TMLHE: variants seen among roughly 807,000 people sequenced by gnomAD.
The protein encoded by TMLHE is trimethyllysine dioxygenase, mitochondrial.
A neutral mutation model predicts 25.7 loss-of-function variants in TMLHE; 18 were observed. That is an observed-to-expected ratio of 0.70 (90% confidence interval 0.48 to 1.04). TMLHE has a LOEUF of 1.04. Ranked by LOEUF, TMLHE falls within the 50% of genes least tolerant of loss-of-function variation. The probability of loss-of-function intolerance (pLI) is 0.00; values close to 1 mark genes in which losing one functional copy is unlikely to be tolerated. For synonymous variants in TMLHE, 105 were observed against 97.0 expected (o/e 1.08, Z -0.49); for missense variants, 236 against 259.0 (o/e 0.91, Z 0.61).
chrX:155,527,240 C>T (rs2067224870), intron 2 of TMLHE, among the ~76,000 whole-genome samples: 1 of 111,379 alleles, frequency 9.0e-6, no homozygotes, highest in South Asian at 3.8e-4. Flanking sequence ...GGGCAAATTC[C>T]CCCCTTGCTG....
At chrX:155,524,174 T>C (rs2067205284) in intron 3 of TMLHE, 1 of 233,055 alleles carries the variant, frequency 4.3e-6, no homozygotes, top group Admixed American at 7.0e-5. Context: ...ATAAGAGTGG[T>C]GAGAGTGGAT....
At chrX:155,548,474 G>A (rs1259967836) in intron 1 of TMLHE, among the ~76,000 whole-genome samples, 2 of 108,961 alleles carry the variant, frequency 1.8e-5, no homozygotes, top group Non-Finnish European at 3.8e-5. Context: ...GGTGGCTCAT[G>A]CCTGAAATCC....
chrX:155,513,507 G>A (rs186494984), intron 4 of TMLHE, among the ~76,000 whole-genome samples: 28 of 111,144 alleles, frequency 2.5e-4, no homozygotes, highest in African/African-American at 8.8e-4. Flanking sequence ...AGCCTTTTAA[G>A]GCAGTGTTAT....
At position 155,552,721 on chromosome X, in the gene TMLHE, T is replaced by G. The variant is rs782044148; in HGVS notation, c.-1-7444A>C. ...CAAATATGTCTTTCTTACAGGAAAT[T>G]CTGTTCTTATCTTTGCTTCCTTCTA... is the stretch of plus-strand genomic sequence containing the variant. On this transcript the variant is annotated intron_variant, in intron 1 of 7. Coordinates refer to ENST00000334398, the MANE Select transcript of TMLHE (RefSeq NM_018196.4). Among the ~76,000 whole-genome samples, 5 of 110,143 alleles carry G rather than the reference T, an allele frequency of 4.5e-5. No homozygotes were observed. The South Asian group carries it at 1.9e-3, about 41-fold the overall frequency.
At chrX:155,528,301 T>C (rs2067230793) in intron 2 of TMLHE, among the ~76,000 whole-genome samples, 1 of 93,178 alleles carries the variant, frequency 1.1e-5, no homozygotes. Context: ...TTTTTTTCTC[T>C]TGTACTTTAT....
At chrX:155,558,438 T>TTTA (rs1557341206) in intron 1 of TMLHE, among the ~76,000 whole-genome samples, 19 of 111,994 alleles carry the variant, frequency 1.7e-4, no homozygotes, top group Non-Finnish European at 2.6e-4. Flanking sequence ...TCTTTCCCCC[T>TTTA]AATAATGCTG....
chrX:155,580,033 C>A (rs2067615757), intron 1 of TMLHE, among the ~76,000 whole-genome samples: 1 of 110,589 alleles, frequency 9.0e-6, no homozygotes, highest in African/African-American at 3.3e-5. Context: ...GGTGCACAGA[C>A]AACCTGGAGA....
chrX:155,508,674 A>G (rs1423202099), intron 5 of TMLHE, among the ~76,000 whole-genome samples: 1 of 110,835 alleles, frequency 9.0e-6, no homozygotes, highest in Non-Finnish European at 1.9e-5. Flanking sequence ...TATTTAAGAA[A>G]TTTAGTAGTG....
At chrX:155,533,201 C>T (rs868952006) in intron 2 of TMLHE, among the ~76,000 whole-genome samples, 5 of 111,608 alleles carry the variant, frequency 4.5e-5, no homozygotes, top group Admixed American at 9.5e-5. Context: ...CTTTGAACTT[C>T]GACTAGAACT....
chrX:155,515,238 A>C (rs1198089147), intron 3 of TMLHE, among the ~76,000 whole-genome samples: 3 of 110,473 alleles, frequency 2.7e-5, no homozygotes, highest in Non-Finnish European at 5.7e-5. Flanking sequence ...TATATATATA[A>C]AATTTGGGAC....
At chrX:155,582,798 T>A (rs1265698037) in intron 1 of TMLHE, among the ~76,000 whole-genome samples, 1 of 112,059 alleles carries the variant, frequency 8.9e-6, no homozygotes, top group African/African-American at 3.2e-5. Context: ...GAAATACCAT[T>A]TGACCCAGCC....
intron 1 of TMLHE, among the ~76,000 whole-genome samples, chrX:155,548,700 A>G (rs1449306722): frequency 2.8e-5 from 3 of 106,758 alleles, no homozygotes; most frequent in Non-Finnish European, 5.8e-5. Context: ...GTGCCACTGC[A>G]CTCCAGCCTG....
Position 155,545,204 on chromosome X carries a change from C to T in TMLHE, c.73G>A (p.Ala25Thr). 1 of 1,209,858 alleles carries T rather than the reference C, an allele frequency of 8.3e-7. No individual in the cohort carries two copies. Among genetic ancestry groups the T allele is most frequent in the Non-Finnish European group, 1.1e-6 (1 of 894,413 alleles). ...DLLKGGVIYP[A>T]LPQPNFKSLL... ...CTTTTGAAGTTGGGCTGTGGAAGGG[C>T]CGGATATATGACTCCTCCCTTCAGC... is the stretch of plus-strand genomic sequence containing the variant. Residue 25 changes from alanine to threonine, a missense_variant, in exon 2 of 8, where the codon GCC (alanine) becomes ACC (threonine). This residue lies in a region of TMLHE where 217 missense variants were observed against 214.6 expected (regional missense o/e 1.01). Transcript: ENST00000334398.
At chrX:155,603,400 AAGAAAG>A (rs2067768719) in intron 1 of TMLHE, among the ~76,000 whole-genome samples, 1 of 110,834 alleles carries the variant, frequency 9.0e-6, no homozygotes, top group Non-Finnish European at 1.9e-5. Flanking sequence ...GAAAGAAAGA[AAGAAAG>A]AAAGAGTGAC....
At chrX:155,546,424 C>G (rs1436302431) in intron 1 of TMLHE, among the ~76,000 whole-genome samples, 1 of 111,438 alleles carries the variant, frequency 9.0e-6, no homozygotes, top group Non-Finnish European at 1.9e-5. Flanking sequence ...CTGTGTGGTT[C>G]TCAATGTGAA....
At chrX:155,534,801 A>C (rs1410947150) in intron 2 of TMLHE, among the ~76,000 whole-genome samples, 1 of 111,203 alleles carries the variant, frequency 9.0e-6, no homozygotes, top group Admixed American at 9.6e-5. Flanking sequence ...GAATTTGGGG[A>C]ATCTATGGGT....
At chrX:155,510,649 T>C (rs1202064376) in intron 5 of TMLHE, among the ~76,000 whole-genome samples, 1 of 109,697 alleles carries the variant, frequency 9.1e-6, no homozygotes, top group Non-Finnish European at 1.9e-5. Flanking sequence ...CAGTCTATCG[T>C]TGTTGGACAT....
intron 3 of TMLHE, among the ~76,000 whole-genome samples, chrX:155,521,994 C>G (rs965646066): frequency 5.5e-5 from 6 of 109,237 alleles, no homozygotes; most frequent in Admixed American, 1.9e-4. Flanking sequence ...GCGTCGCTCA[C>G]GCTGGGAGCT....
intron 2 of TMLHE, among the ~76,000 whole-genome samples, chrX:155,543,261 G>A (rs1413764228): frequency 1.8e-5 from 2 of 111,391 alleles, no homozygotes; most frequent in Non-Finnish European, 3.8e-5. Flanking sequence ...AGATGAAATT[G>A]TCTCTGTTCA....
Sources: allele counts gnomAD v4.1 joint callset (sites outside exome capture counted in the v4.1 genomes callset), GRCh38; gene constraint gnomAD v4.1.1; regional missense constraint gnomAD v4.1.1; transcripts MANE v1.5; gene names NCBI Gene and HGNC (gene_info 2026-07-23, HGNC 2026-07-21).